The following MAPK4 variants were observed in gnomAD, a reference collection of about 807,000 sequenced individuals.
MAPK4 encodes the protein mitogen-activated protein kinase 4.
A neutral mutation model predicts 47.7 loss-of-function variants in MAPK4; 22 were observed. The ratio of observed to expected loss-of-function variants is 0.46; its 90% CI spans 0.33 to 0.66. The LOEUF is 0.66. Among genes scored for constraint, MAPK4 ranks in the 30% least tolerant of loss-of-function variants. The pLI, the probability that MAPK4 is intolerant of heterozygous loss-of-function variation, is 0.02. For synonymous variants in MAPK4, 390 were observed against 365.7 expected (o/e 1.07, Z -0.76); for missense variants, 736 against 831.7 (o/e 0.88, Z 1.42).
chr18:50,718,786 G>C (rs1239324207), intron 3 of MAPK4, among the ~76,000 whole-genome samples: 1 of 152,062 alleles, frequency 6.6e-6, no homozygotes, highest in African/African-American at 2.4e-5. Context: ...TAAGTAACAA[G>C]AAAAGGTAAA....
At chr18:50,671,889 CAAA>C (rs745534670) in intron 2 of MAPK4, among the ~76,000 whole-genome samples, 13 of 104,170 alleles carry the variant, frequency 1.2e-4, no homozygotes, top group Admixed American at 1.0e-4. Context: ...GACCCTGACT[CAAA>C]AAAAAAAAAA....
chr18:50,633,517 T>G (rs1598848702), intron 1 of MAPK4, among the ~76,000 whole-genome samples: 1 of 152,178 alleles, frequency 6.6e-6, no homozygotes, highest in Non-Finnish European at 1.5e-5. Context: ...CCTAGCATAT[T>G]TGACAACACT....
chr18:50,702,603 A>T (rs1279723741), intron 2 of MAPK4, among the ~76,000 whole-genome samples: 1 of 152,086 alleles, frequency 6.6e-6, no homozygotes, highest in Non-Finnish European at 1.5e-5. Flanking sequence ...ATTCATTTTC[A>T]TATCTAATTT....
In MAPK4 at chr18:50,693,372, G is replaced by A. The variant is rs191677474; in HGVS notation, c.547-21707G>A. On this transcript the variant is annotated intron_variant, in intron 2 of 5. Coordinates refer to ENST00000400384, the MANE Select transcript of MAPK4 (RefSeq NM_002747.4). ...ACTTCATCATGTGGTTGTCAAATCC[G>A]CAGCGGACTACGAGCAGCAAACTAG... Among the ~76,000 whole-genome samples, 50 of 152,190 alleles carry A rather than the reference G, an allele frequency of 3.3e-4. No homozygotes were observed. The East Asian group carries it at 8.7e-3, about 26-fold the overall frequency.
intron 2 of MAPK4, chr18:50,669,144 G>A (rs1041750854): frequency 6.6e-6 from 1 of 152,258 alleles, no homozygotes; most frequent in African/African-American, 2.4e-5. Flanking sequence ...CCCCACCTGA[G>A]GGTGGCTTCT....
chr18:50,716,388 C>T (rs1001621670), intron 3 of MAPK4, among the ~76,000 whole-genome samples: 1 of 152,206 alleles, frequency 6.6e-6, no homozygotes, highest in Non-Finnish European at 1.5e-5. Flanking sequence ...TTCTCACCCA[C>T]CATGAGCTCT....
chr18:50,607,028 G>A (rs2042588734), intron 1 of MAPK4, among the ~76,000 whole-genome samples: 1 of 152,204 alleles, frequency 6.6e-6, no homozygotes, highest in African/African-American at 2.4e-5. Context: ...TTAAGCCAGT[G>A]CGATTTTGAT....
At chr18:50,693,495 T>C (rs1035506304) in intron 2 of MAPK4, among the ~76,000 whole-genome samples, 1 of 151,870 alleles carries the variant, frequency 6.6e-6, no homozygotes, top group Non-Finnish European at 1.5e-5. Context: ...TCACCAAGAG[T>C]CACAGCTCTC....
At chr18:50,669,755 T>C (rs1286399803) in intron 2 of MAPK4, 1 of 152,258 alleles carries the variant, frequency 6.6e-6, no homozygotes, top group Admixed American at 6.5e-5. Flanking sequence ...ATAATACAAG[T>C]TACTTTAATT....
chr18:50,650,086 A>G (rs938324953), intron 1 of MAPK4, among the ~76,000 whole-genome samples: 1 of 152,248 alleles, frequency 6.6e-6, no homozygotes, highest in Non-Finnish European at 1.5e-5. Context: ...GATCTTGGCT[A>G]CTGGCAGGAT....
At chr18:50,593,464 G>C (rs771860494) in intron 1 of MAPK4, among the ~76,000 whole-genome samples, 3 of 152,212 alleles carry the variant, frequency 2.0e-5, no homozygotes, top group Admixed American at 6.5e-5. Flanking sequence ...CTTCCTAGCT[G>C]TATATGCTTC....
chr18:50,666,036 C>T (rs1449453162), intron 2 of MAPK4, among the ~76,000 whole-genome samples: 2 of 152,180 alleles, frequency 1.3e-5, no homozygotes, highest in African/African-American at 4.8e-5. Flanking sequence ...ATCCACAAGA[C>T]TCTTATATGT....
At chr18:50,590,539 A>G (rs2042428034) in intron 1 of MAPK4, among the ~76,000 whole-genome samples, 1 of 152,208 alleles carries the variant, frequency 6.6e-6, no homozygotes, top group African/African-American at 2.4e-5. Context: ...CACACCTTAT[A>G]CAAGTTAATG....
intron 1 of MAPK4, among the ~76,000 whole-genome samples, chr18:50,651,051 C>T (rs1408479270): frequency 3.3e-5 from 5 of 152,204 alleles, no homozygotes; most frequent in African/African-American, 1.2e-4. Context: ...GCCTGGGTTC[C>T]TGCTGTAATT....
intron 2 of MAPK4, among the ~76,000 whole-genome samples, chr18:50,714,730 C>T (rs973921915): frequency 3.9e-5 from 6 of 152,196 alleles, no homozygotes; most frequent in Non-Finnish European, 8.8e-5. Context: ...TGAACTTGAG[C>T]AGGGCTCCTG....
chr18:50,627,440 C>T (rs544759273), intron 1 of MAPK4, among the ~76,000 whole-genome samples: 53 of 152,340 alleles, frequency 3.5e-4, no homozygotes, highest in Non-Finnish European at 7.3e-4. Flanking sequence ...CCACCAGCTT[C>T]AGGGGTGGCC....
chr18:50,648,773 C>G (rs1414209153), intron 1 of MAPK4, among the ~76,000 whole-genome samples: 1 of 152,176 alleles, frequency 6.6e-6, no homozygotes, highest in Non-Finnish European at 1.5e-5. Context: ...TAAGGCTTTA[C>G]CTCCCTGCTT....
intron 1 of MAPK4, among the ~76,000 whole-genome samples, chr18:50,661,872 C>T (rs1432932130): frequency 1.3e-5 from 2 of 152,192 alleles, no homozygotes; most frequent in Non-Finnish European, 2.9e-5. Context: ...TTGAGTACAT[C>T]TTATTCAAAT....
chr18:50,689,728 A>G (rs1465647372), intron 2 of MAPK4, among the ~76,000 whole-genome samples: 1 of 152,008 alleles, frequency 6.6e-6, no homozygotes, highest in East Asian at 1.9e-4. Context: ...CCACCTTGAC[A>G]AAATTTTAAA....
Sources: allele counts gnomAD v4.1 joint callset (sites outside exome capture counted in the v4.1 genomes callset), GRCh38; gene constraint gnomAD v4.1.1; transcripts MANE v1.5; gene names NCBI Gene and HGNC (gene_info 2026-07-23, HGNC 2026-07-21).